GABBR2: variants seen among roughly 807,000 people sequenced by gnomAD.
GABBR2 encodes G-protein coupled receptor 51.
Under a neutral mutation model 105.6 loss-of-function variants are expected in GABBR2, and 23 were observed. The ratio of observed to expected loss-of-function variants is 0.22; its 90% CI spans 0.16 to 0.31. The LOEUF (loss-of-function observed/expected upper bound fraction) is 0.31, where lower values mean the gene tolerates loss of function less well. Among genes scored for constraint, GABBR2 ranks in the 10% least tolerant of loss-of-function variants. GABBR2 has a pLI of 1.00. For missense variants in GABBR2, 734 were observed against 1,245.5 expected, an observed-to-expected ratio of 0.59 and a Z score of 6.18; for synonymous variants, 478 against 499.7, an observed-to-expected ratio of 0.96 and a Z score of 0.58.
chr9:98,676,320 A>T (rs1395429263), intron 1 of GABBR2, among the ~76,000 whole-genome samples: 1 of 152,260 alleles, frequency 6.6e-6, no homozygotes, highest in Non-Finnish European at 1.5e-5. Flanking sequence ...TTTTGACCTT[A>T]GCAAGACTCA....
intron 1 of GABBR2, among the ~76,000 whole-genome samples, chr9:98,622,982 C>T (rs562287740): frequency 6.6e-5 from 10 of 152,218 alleles, no homozygotes; most frequent in Non-Finnish European, 1.2e-4. Context: ...GTCGGTTCAT[C>T]GACTGGAACA....
intron 11 of GABBR2, 142 bp downstream of exon 11, chr9:98,385,498 G>T: frequency 1.5e-6 from 1 of 675,136 alleles, no homozygotes. Context: ...CTTCCCTGTT[G>T]AGTTGAAAAC....
intron 2 of GABBR2, among the ~76,000 whole-genome samples, chr9:98,573,691 A>G (rs1023263846): frequency 1.3e-5 from 2 of 152,246 alleles, no homozygotes; most frequent in Non-Finnish European, 2.9e-5. Flanking sequence ...TTATTTAATA[A>G]GAGAATACTG....
chr9:98,374,540 G>A (rs1480789061), intron 11 of GABBR2, among the ~76,000 whole-genome samples: 1 of 152,202 alleles, frequency 6.6e-6, no homozygotes, highest in African/African-American at 2.4e-5. Context: ...AAACAACGTG[G>A]TTTATGCTGA....
chr9:98,373,510 G>T (rs1478820843), intron 11 of GABBR2, among the ~76,000 whole-genome samples: 1 of 152,138 alleles, frequency 6.6e-6, no homozygotes, highest in African/African-American at 2.4e-5. Flanking sequence ...CTCCTCCTCA[G>T]ATGGAGTCTC....
chr9:98,303,352 C>T lies in GABBR2; in HGVS notation c.2301G>A (p.Lys767=), dbSNP rs759681193. ...NRRFQFTQNQ[K]KEDSKTSTSV... ...AGGTGGACGTTTTAGAATCTTCTTTCTTCTGATTCTGAGTGAACTGGAATC... is the reference window on the plus strand; with the variant it reads ...AGGTGGACGTTTTAGAATCTTCTTTTTTCTGATTCTGAGTGAACTGGAATC... Residue 767 remains lysine (K), a synonymous_variant, in exon 16 of 19, where the codon AAG becomes AAA. Transcript: ENST00000259455. The T allele has an allele frequency of 2.5e-6, 4 of 1,613,984 alleles. No homozygotes were observed. The highest frequency in any genetic ancestry group is 3.4e-6 in the Non-Finnish European group (4 of 1,179,786).
chr9:98,563,343 A>G (rs1281280623), intron 2 of GABBR2, among the ~76,000 whole-genome samples: 2 of 152,184 alleles, frequency 1.3e-5, no homozygotes, highest in Non-Finnish European at 2.9e-5. Flanking sequence ...CACAGAGAGA[A>G]CAGTAACTAT....
intron 13 of GABBR2, among the ~76,000 whole-genome samples, chr9:98,334,179 A>G (rs919989495): frequency 1.1e-4 from 16 of 152,356 alleles, no homozygotes; most frequent in African/African-American, 3.8e-4. Context: ...CTGGATTTGA[A>G]TATCTGTTCA....
chr9:98,542,889 A>G (rs1564109642), intron 2 of GABBR2, among the ~76,000 whole-genome samples: 1 of 151,120 alleles, frequency 6.6e-6, no homozygotes, highest in African/African-American at 2.5e-5. Context: ...TTTAGGAGTT[A>G]CTTTTTCATG....
chr9:98,521,800 AC>A (rs1168562926), intron 3 of GABBR2, among the ~76,000 whole-genome samples: 1 of 152,136 alleles, frequency 6.6e-6, no homozygotes, highest in Non-Finnish European at 1.5e-5. Context: ...AGAAGAACTC[AC>A]CCATGCTGTA....
rs1158208094 is a variant in GABBR2, at chr9:98,664,559, T to C, written c.321+43858A>G. Reference sequence around the variant, plus strand: ...TAGAACTAATGGCAGGATACATTTATGGTTTTTGTTCAGTGCTATGTTAAT... The same window carrying C: ...TAGAACTAATGGCAGGATACATTTACGGTTTTTGTTCAGTGCTATGTTAAT... On this transcript the variant is annotated intron_variant, in intron 1 of 18. Transcript: ENST00000259455. Among the ~76,000 whole-genome samples, 3 of 152,200 alleles carry C rather than the reference T, an allele frequency of 2.0e-5. No individual in the cohort carries two copies. In the East Asian group the frequency reaches 5.8e-4, roughly 29 times the overall value.
chr9:98,478,206 C>T (rs1471238977), intron 5 of GABBR2, among the ~76,000 whole-genome samples: 1 of 152,216 alleles, frequency 6.6e-6, no homozygotes, highest in East Asian at 1.9e-4. Flanking sequence ...GTTTCCAGGG[C>T]AGCATTTGGA....
At position 98,410,197 on chromosome 9, in the gene GABBR2, A is replaced by G. The variant is rs1044911710; in HGVS notation, c.1237-4056T>C. 6.4e-4 allele frequency among the ~76,000 whole-genome samples: 98 copies of G among 152,086 alleles called. 1 individual carries two copies. The highest frequency in any genetic ancestry group is 1.0e-4 in the Non-Finnish European group (7 of 68,022). On this transcript the variant is annotated intron_variant, in intron 7 of 18. Coordinates refer to ENST00000259455, the MANE Select transcript of GABBR2 (RefSeq NM_005458.8). Reference sequence around the variant, plus strand: ...TAGTCTTTATGTAGAGATAAATATCATGACTCTCCTTAAGCTTTCGTCTTG... The same window carrying G: ...TAGTCTTTATGTAGAGATAAATATCGTGACTCTCCTTAAGCTTTCGTCTTG...
intron 11 of GABBR2, among the ~76,000 whole-genome samples, chr9:98,379,179 A>C (rs1314031083): frequency 6.6e-6 from 1 of 152,190 alleles, no homozygotes; most frequent in African/African-American, 2.4e-5. Context: ...TTCCCGCCCC[A>C]GTTTTGGTAG....
chr9:98,513,734 G>T (rs377197434), intron 3 of GABBR2, among the ~76,000 whole-genome samples: 1 of 151,874 alleles, frequency 6.6e-6, no homozygotes, highest in Admixed American at 6.6e-5. Flanking sequence ...TTAGAATGGC[G>T]ATCATTAAAA....
Position 98,674,576 on chromosome 9 carries a change from C to T in GABBR2, c.321+33841G>A, listed in dbSNP as rs149832800. On this transcript the variant is annotated intron_variant, in intron 1 of 18. Transcript: ENST00000259455. ...GAGTCCAGTGTAGCAGAGGGCAGGG[C>T]GGCACCTGGATCTCACACACCTACA... Among the ~76,000 whole-genome samples, 1,339 of 152,166 alleles carry T rather than the reference C, an allele frequency of 8.8e-3. 22 individuals carry two copies. The highest frequency in any genetic ancestry group is 0.031 in the African/African-American group (1,277 of 41,480).
At chr9:98,362,972 C>T in intron 12 of GABBR2, 135 bp from the exon 13 acceptor site, 1 of 664,310 alleles carries the variant, frequency 1.5e-6, no homozygotes, top group East Asian at 3.3e-5. Context: ...TCCCCATCAC[C>T]CACAGGATAA....
At chr9:98,682,309 G>A (rs1830560072) in intron 1 of GABBR2, among the ~76,000 whole-genome samples, 1 of 143,698 alleles carries the variant, frequency 7.0e-6, no homozygotes, top group Non-Finnish European at 1.5e-5. Flanking sequence ...TTAAAGGCAA[G>A]TGAAAAAACA....
intron 13 of GABBR2, among the ~76,000 whole-genome samples, chr9:98,317,594 A>G (rs7028502): frequency 0.07 from 10,692 of 152,224 alleles, 1,269 homozygotes; most frequent in African/African-American, 0.24. Flanking sequence ...TTTACAGTGT[A>G]GTTAATGGGA....
Sources: allele counts gnomAD v4.1 joint callset (sites outside exome capture counted in the v4.1 genomes callset), GRCh38; gene constraint gnomAD v4.1.1; transcripts MANE v1.5; gene names NCBI Gene and HGNC (gene_info 2026-07-23, HGNC 2026-07-21).